The following PZP variants were observed in gnomAD, a reference collection of about 807,000 sequenced individuals.
The protein encoded by PZP is PZP alpha-2-macroglobulin like, also known as pregnancy zone protein.
PZP carries 150 observed loss-of-function variants against 179.8 expected under a neutral mutation model. The observed-to-expected ratio is 0.83, with a 90% CI of 0.73 to 0.96. The LOEUF (loss-of-function observed/expected upper bound fraction) is 0.96, where lower values mean the gene tolerates loss of function less well. Ranked by LOEUF, PZP falls within the 40% of genes least tolerant of loss-of-function variation. The pLI, the probability that PZP is intolerant of heterozygous loss-of-function variation, is 0.00. For missense variants in PZP, 1,689 were observed against 1,764.0 expected, an observed-to-expected ratio of 0.96 and a Z score of 0.76; for synonymous variants, 624 against 652.3, an observed-to-expected ratio of 0.96 and a Z score of 0.66.
At chr12:9,144,671 T>C (rs1192270708), downstream of PZP, among the ~76,000 whole-genome samples, 1 of 151,854 alleles carries the variant, frequency 6.6e-6, no homozygotes, top group African/African-American at 2.4e-5. Flanking sequence ...GGTTTTAGGG[T>C]GAGAGAGCTT....
intron 25 of PZP, 63 bp from the exon 26 acceptor site, chr12:9,158,639 G>A (rs1419273424): frequency 3.3e-6 from 5 of 1,520,406 alleles, no homozygotes; most frequent in South Asian, 1.3e-5. Flanking sequence ...GCTCTGTTTT[G>A]TACACACAGG....
the PZP span, among the ~76,000 whole-genome samples, chr12:9,143,070 C>T: frequency 6.6e-6 from 1 of 152,094 alleles, no homozygotes; most frequent in Non-Finnish European, 1.5e-5. Context: ...GCTTGGACAT[C>T]GATTTTAGTT....
At chr12:9,186,849 CG>C (rs1340793464) in intron 13 of PZP, among the ~76,000 whole-genome samples, 2 of 4,414 alleles carry the variant, frequency 4.5e-4, no homozygotes, top group Admixed American at 6.5e-3. Context: ...TGGGGCCTGT[CG>C]GGGGTGGGGG....
intron 13 of PZP, among the ~76,000 whole-genome samples, chr12:9,185,557 C>T (rs1481236779): frequency 6.6e-6 from 1 of 151,802 alleles, no homozygotes; most frequent in African/African-American, 2.4e-5. Flanking sequence ...CTAGAGAGGC[C>T]AAATTCATAT....
intron 15 of PZP, among the ~76,000 whole-genome samples, chr12:9,178,063 A>G (rs775729258): frequency 8.5e-5 from 13 of 152,362 alleles, no homozygotes; most frequent in African/African-American, 2.9e-4. Flanking sequence ...ATGAGGAGAT[A>G]TTTTGACCTG....
rs1940461194 is a variant in PZP at position 9,152,862 on chromosome 12, G to T, written c.4083C>A (p.His1361Gln). 1 of 1,614,030 alleles carries T rather than the reference G, an allele frequency of 6.2e-7. No individual in the cohort carries two copies. The highest frequency in any genetic ancestry group is 8.5e-7 in the Non-Finnish European group (1 of 1,180,004). ...AGATCTGAAAGCTGGTGTGGGCTTT[G>T]TGTCCATCGCAAGTTTGGGGCACAG... is the stretch of plus-strand genomic sequence containing the variant. ...VQTVPQTCDG[H>Q]KAHTSFQISL... Residue 1361 changes from histidine (H) to glutamine (Q), a missense_variant, in exon 31 of 36, where the codon CAC (histidine) becomes CAA (glutamine). This residue lies in a region of PZP where 746 missense variants were observed against 749.2 expected (regional missense o/e 1.00). Transcript: ENST00000261336.
Position 9,192,179 on chromosome 12 carries a change from C to G in PZP, c.1546+14G>C. On this transcript the variant is annotated intron_variant, in intron 13 of 35. Coordinates refer to ENST00000261336, the MANE Select transcript of PZP (RefSeq NM_002864.3). ...GTTAGGGGAGCAAGGAGAGATGAAT[C>G]TGAGGATACTCACTGTCTCCTGACT... The G allele has an allele frequency of 1.2e-6, 2 of 1,606,430 alleles. No homozygotes were observed. Among genetic ancestry groups the G allele is most frequent in the Non-Finnish European group, 1.7e-6 (2 of 1,173,028 alleles).
At chr12:9,198,790 C>G (rs140775895) in intron 7 of PZP, among the ~76,000 whole-genome samples, 1 of 152,256 alleles carries the variant, frequency 6.6e-6, no homozygotes, top group Non-Finnish European at 1.5e-5. Flanking sequence ...TATTCTGAAG[C>G]CCTTCTCCAA....
chr12:9,157,719 C>A, intron 27 of PZP, 48 bp downstream of exon 27: 1 of 1,551,758 alleles, frequency 6.4e-7, no homozygotes, highest in Non-Finnish European at 8.9e-7. Context: ...TTCCAGACAG[C>A]AAATCTACAG....
chr12:9,157,118 C>T, intron 28 of PZP, 57 bp downstream of exon 28: 1 of 1,532,040 alleles, frequency 6.5e-7, no homozygotes, highest in Non-Finnish European at 8.9e-7. Flanking sequence ...GTGTGCTGTT[C>T]CCCTCCCTGT....
intron 6 of PZP, 110 bp downstream of exon 6, chr12:9,200,782 T>G (rs1944110003): frequency 8.7e-7 from 1 of 1,155,372 alleles, no homozygotes; most frequent in Admixed American, 2.3e-5. Context: ...AAGCAGTAAG[T>G]CTGACTCTAC....
intron 15 of PZP, among the ~76,000 whole-genome samples, chr12:9,172,039 A>G (rs867216042): frequency 6.6e-6 from 1 of 152,176 alleles, no homozygotes; most frequent in Non-Finnish European, 1.5e-5. Flanking sequence ...ACACAAAATC[A>G]TCAGATTCTC....
At chr12:9,192,324 A>C (rs927593260) in intron 12 of PZP, 68 bp from the exon 13 acceptor site, 3 of 1,477,326 alleles carry the variant, frequency 2.0e-6, no homozygotes, top group Admixed American at 3.4e-5. Flanking sequence ...TATTCCCCAC[A>C]TGACCCACTT....
intron 1 of PZP, among the ~76,000 whole-genome samples, chr12:9,206,592 C>T (rs1025494157): frequency 6.6e-6 from 1 of 152,118 alleles, no homozygotes; most frequent in Non-Finnish European, 1.5e-5. Flanking sequence ...CCCCTGAAAC[C>T]TTCATCTTTC....
intron 7 of PZP, 138 bp from the exon 8 acceptor site, chr12:9,197,261 G>T: frequency 1.7e-6 from 1 of 574,380 alleles, no homozygotes; most frequent in Non-Finnish European, 3.0e-6. Context: ...AAAGCTGTCT[G>T]GAAAATGTCT....
Position 9,192,750 on chromosome 12 carries a change from A to C in PZP, c.1255-11T>G, listed in dbSNP as rs1943532498. ...ATGCACAGTGAAAACCTGAGTAAAC[A>C]GAAAAGCAAAGAAAGAATACTGTCT... On this transcript the variant is annotated splice_polypyrimidine_tract_variant and intron_variant, in intron 11 of 35. Transcript: ENST00000261336. 3.3e-6 allele frequency: 5 copies of C among 1,537,168 alleles called. No individual in the cohort carries two copies. Among genetic ancestry groups the C allele is most frequent in the Non-Finnish European group, 3.6e-6 (4 of 1,112,460 alleles).
At chr12:9,175,960 G>A (rs1255963198) in intron 15 of PZP, among the ~76,000 whole-genome samples, 6 of 152,116 alleles carry the variant, frequency 3.9e-5, no homozygotes, top group African/African-American at 1.4e-4. Context: ...ATTACTGGGT[G>A]TATAGCCATA....
intron 24 of PZP, 52 bp from the exon 25 acceptor site, chr12:9,160,077 A>G: frequency 1.3e-6 from 2 of 1,531,458 alleles, no homozygotes; most frequent in Non-Finnish European, 1.8e-6. Flanking sequence ...AAGGCAGGCC[A>G]TCCATATGTT....
At position 9,181,104 on chromosome 12, in the gene PZP, C is replaced by T; in HGVS notation, c.1718G>A (p.Ser573Asn). 1 of 1,614,136 alleles carries T rather than the reference C, an allele frequency of 6.2e-7. No homozygotes were observed. Among genetic ancestry groups the T allele is most frequent in the African/African-American group, 1.3e-5 (1 of 75,056 alleles). Residue 573 changes from serine to asparagine, a missense_variant, in exon 15 of 36, where the codon AGT becomes AAT. Around this residue, in one of 3 missense-constraint regions of PZP, gnomAD observed 742 missense variants for 730.5 expected, o/e 1.02. Coordinates refer to ENST00000261336, the MANE Select transcript of PZP (RefSeq NM_002864.3). The part of the protein sequence containing the change: ...KVDLSFSPAQ[S>N]PPASHAHLQV... ...CAGGTGGGCATGTGAGGCTGGGGGA[C>T]TTTGTGCTGGGCTGAAGCTCAAATC... is the stretch of plus-strand genomic sequence containing the variant.
Sources: allele counts gnomAD v4.1 joint callset (sites outside exome capture counted in the v4.1 genomes callset), GRCh38; gene constraint gnomAD v4.1.1; regional missense constraint gnomAD v4.1.1; transcripts MANE v1.5; gene names NCBI Gene and HGNC (gene_info 2026-07-23, HGNC 2026-07-21).